The following NCOR2 variants were observed in gnomAD, a reference collection of about 807,000 sequenced individuals.
NCOR2 encodes the protein CTG repeat protein 26.
A neutral mutation model predicts 262.9 loss-of-function variants in NCOR2; 81 were observed. The observed-to-expected ratio is 0.31, with a 90% CI of 0.26 to 0.37. NCOR2 has a LOEUF of 0.37. Among genes scored for constraint, NCOR2 ranks in the 10% least tolerant of loss-of-function variants. The pLI is 1.00. For synonymous variants in NCOR2, 1,659 were observed against 1,559.3 expected (o/e 1.06, Z -1.51); for missense variants, 3,385 against 3,621.4 (o/e 0.93, Z 1.68).
At chr12:124,456,195 G>A (rs1392410337) in intron 6 of NCOR2, among the ~76,000 whole-genome samples, 1 of 152,204 alleles carries the variant, frequency 6.6e-6, no homozygotes, top group Non-Finnish European at 1.5e-5. Context: ...GCCTTTATCT[G>A]CACCCTGGGC....
At chr12:124,428,044 AGTGTGTGTGTGTGTGTGTGTGTGT>A (rs55965573) in intron 10 of NCOR2, among the ~76,000 whole-genome samples, 3 of 112,396 alleles carry the variant, frequency 2.7e-5, no homozygotes, top group African/African-American at 8.8e-5. Context: ...CCATGTGGCC[AGTGTGTGTGTGTGTGTGTGTGTGT>A]GTGTGTGTGT....
At chr12:124,463,588 G>T (rs1419162680) in intron 5 of NCOR2, among the ~76,000 whole-genome samples, 2 of 152,236 alleles carry the variant, frequency 1.3e-5, no homozygotes, top group Non-Finnish European at 2.9e-5. Flanking sequence ...ACTCAGAACT[G>T]CCAGGCGGGC....
chr12:124,539,294 CA>C (rs2051217395), upstream of NCOR2: 1 of 152,678 alleles, frequency 6.5e-6, no homozygotes, highest in South Asian at 2.1e-4. The surrounding 1 kb of genome is among the most constrained non-coding windows in gnomAD (Gnocchi z 5.1). Context: ...CTCACATTCA[CA>C]CTCATTCACA....
At chr12:124,452,707 G>A (rs937399539) in intron 6 of NCOR2, among the ~76,000 whole-genome samples, 6 of 152,226 alleles carry the variant, frequency 3.9e-5, no homozygotes, top group African/African-American at 1.4e-4. Flanking sequence ...AGAAATGCAG[G>A]ACCGGCTCCC....
In NCOR2 at chr12:124,389,403, G is replaced by A. The variant is rs1053620808; in HGVS notation, c.1877-3516C>T. 6.4e-4 allele frequency among the ~76,000 whole-genome samples: 97 copies of A among 152,368 alleles called. No homozygotes were observed. The highest frequency in any genetic ancestry group is 2.3e-3 in the African/African-American group (95 of 41,584). ...GTGGCAGAGGCCCAGGTTCACAAGG[G>A]GCGGGCCAACTTGGCACTGGCTCCC... On this transcript the variant is annotated intron_variant, in intron 16 of 46. Transcript: ENST00000405201. The surrounding 1 kb of genome is among the most constrained non-coding windows in gnomAD (Gnocchi z 4.4).
At chr12:124,426,071 C>T (rs768372696) in intron 11 of NCOR2, among the ~76,000 whole-genome samples, 1 of 152,198 alleles carries the variant, frequency 6.6e-6, no homozygotes, top group Non-Finnish European at 1.5e-5. Context: ...CCTCTAAGTC[C>T]CTCCTGCCTT....
intron 22 of NCOR2, among the ~76,000 whole-genome samples, chr12:124,357,343 G>GGGTC (rs967867941): frequency 2.0e-5 from 3 of 152,128 alleles, no homozygotes; most frequent in Admixed American, 1.3e-4. Context: ...TGTAGAGATG[G>GGGTC]GGTCTTGCTA....
intron 1 of NCOR2, among the ~76,000 whole-genome samples, chr12:124,511,739 A>G (rs2049406111): frequency 6.6e-6 from 1 of 152,114 alleles, no homozygotes; most frequent in Admixed American, 6.5e-5. Context: ...CCCAGGCACA[A>G]AGGGGTTCTC....
chr12:124,405,045 C>G lies in NCOR2; in HGVS notation c.1483-2484G>C, dbSNP rs562390980. On this transcript the variant is annotated intron_variant, in intron 13 of 46. Coordinates refer to ENST00000405201, the Ensembl canonical transcript of NCOR2. ...CCCCCGCTGAGAGTCTCAGCCAACC[C>G]CCAGCCAGGATCTACAGTTTGTGTT... 2.0e-5 allele frequency among the ~76,000 whole-genome samples: 3 copies of G among 152,272 alleles called. No homozygotes were observed. The South Asian group carries it at 6.2e-4, about 32-fold the overall frequency.
At chr12:124,407,702 C>A (rs2042350668) in intron 13 of NCOR2, among the ~76,000 whole-genome samples, 1 of 152,264 alleles carries the variant, frequency 6.6e-6, no homozygotes, top group Admixed American at 6.5e-5. Context: ...TAAGTCCTTA[C>A]AAATGTGTCA....
chr12:124,369,997 G>A (rs1271620367), intron 20 of NCOR2, among the ~76,000 whole-genome samples: 2 of 152,196 alleles, frequency 1.3e-5, no homozygotes, highest in African/African-American at 2.4e-5. Flanking sequence ...CTTATCAATG[G>A]GGCTGCCCCA....
rs11057594 is a variant in NCOR2, at chr12:124,363,662, T to C, written c.2928+17A>G. On this transcript the variant is annotated intron_variant, in intron 21 of 46. Coordinates refer to ENST00000405201, the Ensembl canonical transcript of NCOR2. ...GGTCAGGGTGGACTCTGTGGGGCTC[T>C]GGGGGTGGGCACTCACGATGGGGGG... 5,729 of 1,267,396 alleles carry C rather than the reference T, an allele frequency of 4.5e-3. 204 individuals are homozygous for C. In the African/African-American group the frequency reaches 0.081, roughly 18 times the overall value. 78.5% of individuals were successfully genotyped at this position (1,267,396 alleles called of 1,614,324 possible).
chr12:124,346,585 G>A, exon 31 of NCOR2: 2 of 1,570,496 alleles, frequency 1.3e-6, no homozygotes, highest in Non-Finnish European at 1.7e-6. Context: ...AGCCCTCCTT[G>A]AGCGGCCGCG....
chr12:124,477,401 G>T (rs902508580), intron 3 of NCOR2, among the ~76,000 whole-genome samples: 4 of 152,212 alleles, frequency 2.6e-5, no homozygotes, highest in Non-Finnish European at 4.4e-5. Context: ...GCAGAACTGT[G>T]AGTCAACTAA....
At chr12:124,456,718 C>T (rs950370610) in intron 6 of NCOR2, among the ~76,000 whole-genome samples, 7 of 152,314 alleles carry the variant, frequency 4.6e-5, no homozygotes, top group East Asian at 1.9e-4. Context: ...CGCCATGAAG[C>T]GGTGCACCTG....
chr12:124,377,641 C>T (rs938633286), intron 18 of NCOR2, among the ~76,000 whole-genome samples: 2 of 151,968 alleles, frequency 1.3e-5, no homozygotes, highest in Non-Finnish European at 2.9e-5. Context: ...GAGTTTGAGA[C>T]CAGCCTGACC....
exon 37 of NCOR2, chr12:124,340,086 C>T: frequency 6.2e-7 from 1 of 1,613,004 alleles, no homozygotes; most frequent in Non-Finnish European, 8.5e-7. Flanking sequence ...TGGGTCTCTG[C>T]TGGAGGGCAT....
intron 43 of NCOR2, 105 bp downstream of exon 45, chr12:124,332,214 G>C (rs574962679): frequency 2.1e-6 from 3 of 1,430,812 alleles, no homozygotes; most frequent in Non-Finnish European, 2.9e-6. Flanking sequence ...CTTAGCTTTC[G>C]AAGGTGCACC....
chr12:124,484,954 GC>G lies in NCOR2; in HGVS notation c.234-1182del, dbSNP rs906207554. 2.3e-4 allele frequency among the ~76,000 whole-genome samples: 35 copies of G among 152,208 alleles called. No individual in the cohort carries two copies. The East Asian group carries it at 3.7e-3, about 16-fold the overall frequency. On this transcript the variant is annotated intron_variant, in intron 2 of 46. Transcript: ENST00000405201. ...AGCACGGGCTGGGGCCGTGTTGCTG[GC>G]CCCCCCGGGGAGCGGGGCAGCCACC...
Sources: allele counts gnomAD v4.1 joint callset (sites outside exome capture counted in the v4.1 genomes callset), GRCh38; gene constraint gnomAD v4.1.1; non-coding constraint Gnocchi (gnomAD v3.1); transcripts MANE v1.5; gene names NCBI Gene and HGNC (gene_info 2026-07-23, HGNC 2026-07-21).